CLEC4M: variants seen among roughly 807,000 people sequenced by gnomAD.
CLEC4M encodes C-type lectin domain family 4 member M.
In CLEC4M, 25 loss-of-function variants were observed where a neutral mutation model predicts 39.1. The ratio of observed to expected loss-of-function variants is 0.64; its 90% confidence interval spans 0.47 to 0.89. CLEC4M has a LOEUF of 0.89. Ranked by LOEUF, CLEC4M falls within the 40% of genes least tolerant of loss-of-function variation. CLEC4M has a pLI of 0.00. For missense variants in CLEC4M, 353 were observed against 431.4 expected (o/e 0.82, Z 1.61); for synonymous variants, 155 against 177.4 (o/e 0.87, Z 1.00).
chr19:7,766,882 G>A, intron 5 of CLEC4M, 75 bp downstream of exon 5: 22 of 1,605,724 alleles, frequency 1.4e-5, no homozygotes, highest in Non-Finnish European at 1.8e-5. Flanking sequence ...GCTCAGAGAG[G>A]ATTTTGCAGA....
At chr19:7,765,321 T>A (rs942761278) in intron 3 of CLEC4M, 53 bp downstream of exon 3, 4 of 1,593,932 alleles carry the variant, frequency 2.5e-6, no homozygotes, top group Middle Eastern at 1.7e-4. Flanking sequence ...CTTTTGGCTA[T>A]GAACAGAGCC....
intron 3 of CLEC4M, 44 bp from the exon 4 acceptor site, chr19:7,765,594 C>G (rs761463467): frequency 3.1e-6 from 5 of 1,612,336 alleles, no homozygotes; most frequent in Non-Finnish European, 2.5e-6. Context: ...GCTTGGCACA[C>G]AGTAGGTGTT....
chr19:7,766,596 C>T, intron 4 of CLEC4M, 60 bp from the exon 5 acceptor site: 1 of 1,606,708 alleles, frequency 6.2e-7, no homozygotes, highest in Middle Eastern at 1.7e-4. Context: ...GAAGGCTGGG[C>T]AGATATGGGA....
At chr19:7,763,359 G>A in intron 1 of CLEC4M, 34 bp from the exon 2 acceptor site, 1 of 1,612,670 alleles carries the variant, frequency 6.2e-7, no homozygotes, top group Non-Finnish European at 8.5e-7. Flanking sequence ...GGGAAGGGAT[G>A]GCCCAGGCTC....
In CLEC4M at chr19:7,767,536, T is replaced by A. The variant is rs766351094; in HGVS notation, c.957T>A (p.Thr319=). ...TCCAGAACTTCCTACAGCTGCAGAC[T>A]TCCAGGAGTAACCGCTTCTCCTGGA... ...AEEQNFLQLQ[T]SRSNRFSWMG... Residue 319 remains threonine (T), a synonymous_variant, in exon 6 of 7, where the codon ACT becomes ACA. Transcript: ENST00000327325. 9.9e-6 allele frequency: 16 copies of A among 1,614,012 alleles called. No homozygotes were observed. In the South Asian group the frequency reaches 1.5e-4, roughly 16 times the overall value.
At chr19:7,766,963 A>C (rs1295868435) in intron 5 of CLEC4M, 156 bp downstream of exon 5, 9 of 1,300,240 alleles carry the variant, frequency 6.9e-6, no homozygotes, top group African/African-American at 5.9e-5. Context: ...GGTACCCTTC[A>C]AGCAAATACA....
chr19:7,767,508 C>T lies in CLEC4M; in HGVS notation c.937-8C>T. 6.2e-7 allele frequency: 1 copy of T among 1,609,744 alleles called. No homozygotes were observed. The highest frequency in any genetic ancestry group is 1.7e-4 in the Middle Eastern group (1 of 6,040). On this transcript the variant is annotated splice_region_variant and splice_polypyrimidine_tract_variant and intron_variant, in intron 5 of 6. Transcript: ENST00000327325. Reference sequence around the variant, plus strand: ...GAGCTCCCTCCTGACTCCTCCTCTACCCTCCAGAACTTCCTACAGCTGCAG... The same window carrying T: ...GAGCTCCCTCCTGACTCCTCCTCTATCCTCCAGAACTTCCTACAGCTGCAG...
chr19:7,767,902 G>A (rs1438911061), intron 6 of CLEC4M: 1 of 320,610 alleles, frequency 3.1e-6, no homozygotes, highest in Non-Finnish European at 5.9e-6. Context: ...GTCTAGTAAG[G>A]CCACCAGCTC....
rs113778282 is a variant in CLEC4M, at chr19:7,765,145, G to C, written c.131-40G>C. On this transcript the variant is annotated intron_variant, in intron 2 of 6. Coordinates refer to ENST00000327325, the MANE Select transcript of CLEC4M (RefSeq NM_014257.5). Reference sequence around the variant, plus strand: ...CAGGCTCTCCCTGGGCCAGGCTCAGGTGGGAACACTGGCAGGCTGACGCAT... The same window carrying C: ...CAGGCTCTCCCTGGGCCAGGCTCAGCTGGGAACACTGGCAGGCTGACGCAT... The C allele has an allele frequency of 7.4e-5, 119 of 1,608,056 alleles. 1 individual carries two copies. The highest frequency in any genetic ancestry group is 9.4e-5 in the Non-Finnish European group (111 of 1,174,716).
intron 4 of CLEC4M, 121 bp downstream of exon 4, chr19:7,766,328 G>C: frequency 6.6e-7 from 1 of 1,513,352 alleles, no homozygotes; most frequent in Admixed American, 2.1e-5. Flanking sequence ...AGAACACGGG[G>C]TAACTGCGAT....
At chr19:7,764,127 T>C (rs2034140042) in intron 2 of CLEC4M, among the ~76,000 whole-genome samples, 1 of 151,888 alleles carries the variant, frequency 6.6e-6, no homozygotes, top group Non-Finnish European at 1.5e-5. Flanking sequence ...ATTATTATTA[T>C]TTAGGTGCAC....
intron 2 of CLEC4M, 127 bp from the exon 3 acceptor site, chr19:7,765,058 G>C: frequency 3.2e-6 from 3 of 947,528 alleles, no homozygotes; most frequent in Non-Finnish European, 4.9e-6. Flanking sequence ...GGATTCCCAG[G>C]TGTTGGAGTG....
In CLEC4M at chr19:7,769,140, T is replaced by A; in HGVS notation, c.*152T>A. 1 of 695,418 alleles carries A rather than the reference T, an allele frequency of 1.4e-6. No individual in the cohort carries two copies. The highest frequency in any genetic ancestry group is 2.3e-6 in the Non-Finnish European group (1 of 429,492). The allele number at this position is 695,418 out of a possible 1,614,324, so 43.1% of individuals were successfully genotyped here. ...TCATCCCCTATGAACCTGGGTCTTA[T>A]TCTGTCCTTCTGATGCCTCCAAGTT... On this transcript the variant is annotated 3_prime_UTR_variant, in exon 7 of 7. Transcript: ENST00000327325.
intron 6 of CLEC4M, chr19:7,767,962 G>T (rs957248952): frequency 4.0e-5 from 8 of 202,046 alleles, no homozygotes; most frequent in African/African-American, 6.9e-5. Flanking sequence ...CTACCCACAG[G>T]TTCCTAGAGG....
At chr19:7,763,514 G>C in intron 2 of CLEC4M, 38 bp downstream of exon 2, 1 of 1,567,136 alleles carries the variant, frequency 6.4e-7, no homozygotes, top group Non-Finnish European at 8.8e-7. Flanking sequence ...GGAAGACAGA[G>C]CCTCCCAGAC....
At chr19:7,763,593 C>G in intron 2 of CLEC4M, 117 bp downstream of exon 2, 1 of 775,850 alleles carries the variant, frequency 1.3e-6, no homozygotes, top group South Asian at 1.7e-5. Flanking sequence ...GGTCTGAGAC[C>G]TGGGTTCCTG....
At position 7,763,291 on chromosome 19, in the gene CLEC4M, G is replaced by A. The variant is rs117119495; in HGVS notation, c.25G>A (p.Val9Met). 3.7e-4 allele frequency: 601 copies of A among 1,608,484 alleles called. 2 individuals are homozygous for A. Among genetic ancestry groups the A allele is most frequent in the South Asian group, 2.1e-3 (190 of 90,064 alleles). Residue 9 changes from valine to methionine, a missense_variant, in exon 1 of 7, where the codon GTG becomes ATG. By Grantham distance (21) the Val-to-Met change is conservative. Transcript: ENST00000327325. MSDSKEPR[V>M]QQLGLLEEDP... ...CATGAGTGACTCCAAGGAACCAAGGGTGCAGCAGCTGGGCCTCCTGGGTAA... is the reference window on the plus strand; with the variant it reads ...CATGAGTGACTCCAAGGAACCAAGGATGCAGCAGCTGGGCCTCCTGGGTAA...
intron 4 of CLEC4M, 172 bp from the exon 5 acceptor site, chr19:7,766,484 C>G: frequency 9.6e-6 from 14 of 1,465,336 alleles, no homozygotes; most frequent in Non-Finnish European, 1.3e-5. Context: ...TCCTGGGGAT[C>G]AGGGAGAGTC....
chr19:7,766,781 G>C lies in CLEC4M; in HGVS notation c.910G>C (p.Val304Leu). 1 of 1,614,186 alleles carries C rather than the reference G, an allele frequency of 6.2e-7. No homozygotes were observed. The highest frequency in any genetic ancestry group is 8.5e-7 in the Non-Finnish European group (1 of 1,180,024). ...TACQEVRAQL[V>L]VIKTAEEQNF... ...CTGCCAGGAAGTGAGGGCCCAGCTC[G>C]TCGTAATCAAAACTGCTGAGGAGCA... The change falls in exon 5 of 7, where the codon GTC becomes CTC. Residue 304 changes from valine to leucine, a missense_variant. Transcript: ENST00000327325.
Sources: gnomAD v4.1 joint callset for allele counts (sites outside exome capture counted in the v4.1 genomes callset) on GRCh38, gnomAD v4.1.1 for gene constraint, MANE v1.5 for transcripts, NCBI Gene and HGNC (gene_info 2026-07-23, HGNC 2026-07-21) for gene names.